Variants in DELE1 observed in about 807,000 individuals in gnomAD.
The protein encoded by DELE1 is DAP3 binding cell death enhancer 1.
DELE1 carries 54 observed loss-of-function variants against 59.3 expected under a neutral mutation model. The ratio of observed to expected loss-of-function variants is 0.91; its 90% CI spans 0.73 to 1.14. The LOEUF is 1.14. Among genes scored for constraint, DELE1 ranks in the 50% most tolerant of loss-of-function variants. The pLI is 0.00. For synonymous variants in DELE1, 264 were observed against 259.1 expected, an observed-to-expected ratio of 1.02 and a Z score of -0.18; for missense variants, 636 against 643.9, an observed-to-expected ratio of 0.99 and a Z score of 0.13.
Position 141,940,040 on chromosome 5 carries a change from G to C in DELE1, c.*1281G>C. The C allele has an allele frequency of 3.0e-6, 3 of 985,406 alleles. No individual in the cohort carries two copies. The South Asian group carries it at 1.4e-4, about 46-fold the overall frequency. 61.0% of individuals were successfully genotyped at this position (985,406 alleles called of 1,614,324 possible). On this transcript the variant is annotated 3_prime_UTR_variant, in exon 12 of 12. Transcript: ENST00000432126. Reference sequence around the variant, plus strand: ...TCCTACCCATGGGAGAGTAAATGTAGATTGAATGCTAGGAGTCTTAAAGCT... The same window carrying C: ...TCCTACCCATGGGAGAGTAAATGTACATTGAATGCTAGGAGTCTTAAAGCT...
At chr5:141,934,873 C>G (rs1752235610) in intron 10 of DELE1, 4 of 436,312 alleles carry the variant, frequency 9.2e-6, no homozygotes, top group East Asian at 4.3e-5. Flanking sequence ...AGGGCTTTTT[C>G]CCTCCTCGAG....
Position 141,928,309 on chromosome 5 carries a change from A to G in DELE1, c.412+11A>G. On this transcript the variant is annotated intron_variant, in intron 4 of 11. Coordinates refer to ENST00000432126, the MANE Select transcript of DELE1 (RefSeq NM_014773.5). The stretch of plus-strand genomic sequence containing the variant: ...GGCACCCATGCTCCTGTGAGTTCTC[A>G]GTCCTGGGGACAGGAGGGCTGGGCT... 1 of 1,612,936 alleles carries G rather than the reference A, an allele frequency of 6.2e-7. No homozygotes were observed.
chr5:141,939,464 CG>C lies in DELE1; in HGVS notation c.*706del. ...CCACCATTCACCTCTGTTCATCCCC[CG>C]TGGGCTCATAATCGTTTTCATTTCA... On this transcript the variant is annotated 3_prime_UTR_variant, in exon 12 of 12. Transcript: ENST00000432126. The C allele has an allele frequency of 2.0e-6, 2 of 985,858 alleles. No individual in the cohort carries two copies. Among genetic ancestry groups the C allele is most frequent in the Non-Finnish European group, 2.4e-6 (2 of 829,932 alleles). The allele number at this position is 985,858 out of a possible 1,614,324, so 61.1% of individuals were successfully genotyped here.
At chr5:141,931,353 A>C (rs1474972248) in intron 7 of DELE1, 2 of 152,286 alleles carry the variant, frequency 1.3e-5, no homozygotes, top group Non-Finnish European at 2.9e-5. Flanking sequence ...GGCAGGGGTC[A>C]GATCAGGTGA....
chr5:141,923,902 G>C lies in DELE1; in HGVS notation c.-40G>C, dbSNP rs1385646949. ...AGCCGCTGTCCCAAGGGTTGGTCTC[G>C]CGCTTTCGGCTGCGAGCTCTCTGTG... On this transcript the variant is annotated 5_prime_UTR_variant, in exon 1 of 12. Transcript: ENST00000432126. 1 of 1,583,690 alleles carries C rather than the reference G, an allele frequency of 6.3e-7. No homozygotes were observed. The highest frequency in any genetic ancestry group is 8.6e-7 in the Non-Finnish European group (1 of 1,165,000).
intron 3 of DELE1, among the ~76,000 whole-genome samples, chr5:141,927,914 T>G (rs1277493334): frequency 1.3e-5 from 2 of 151,606 alleles, no homozygotes; most frequent in Non-Finnish European, 2.9e-5. Context: ...ACATGGTCCC[T>G]GCCCATGTCG....
At chr5:141,926,961 T>C (rs1308195455) in intron 3 of DELE1, among the ~76,000 whole-genome samples, 1 of 152,212 alleles carries the variant, frequency 6.6e-6, no homozygotes, top group Admixed American at 6.5e-5. Flanking sequence ...GCTGGTGCCT[T>C]TTCTTCTGGC....
At chr5:141,933,586 G>A (rs1432691723) in intron 8 of DELE1, 185 bp downstream of exon 8, 6 of 367,314 alleles carry the variant, frequency 1.6e-5, no homozygotes, top group Non-Finnish European at 2.4e-5. Flanking sequence ...AATTCAGGGA[G>A]GGCAGGGATT....
Position 141,932,512 on chromosome 5 carries a change from C to T in DELE1, c.755-747C>T, listed in dbSNP as rs1432811551. ...TCAGAAAGGACAGGAATCAGGGAAG[C>T]TTCAGAGACCTAAGAGGCAGCAGCT... On this transcript the variant is annotated intron_variant, in intron 7 of 11. Coordinates refer to ENST00000432126, the MANE Select transcript of DELE1 (RefSeq NM_014773.5). Among the ~76,000 whole-genome samples, 6 of 152,208 alleles carry T rather than the reference C, an allele frequency of 3.9e-5. No individual in the cohort carries two copies. In the East Asian group the frequency reaches 9.6e-4, roughly 24 times the overall value.
In DELE1 at chr5:141,940,428, GA is replaced by G. The variant is rs1752666068; in HGVS notation, c.*1670del. 15 of 920,768 alleles carry G rather than the reference GA, an allele frequency of 1.6e-5. No homozygotes were observed. Among genetic ancestry groups the G allele is most frequent in the African/African-American group, 3.4e-5 (1 of 29,316 alleles). 57.0% of individuals were successfully genotyped at this position (920,768 alleles called of 1,614,324 possible). ...GAGAGTGGGGTCTGGGAGGGATAGA[GA>G]GCCCACCGCCCACCCCCCACAATCC... On this transcript the variant is annotated 3_prime_UTR_variant, in exon 12 of 12. Coordinates refer to ENST00000432126, the MANE Select transcript of DELE1 (RefSeq NM_014773.5).
chr5:141,923,876 T>A lies in DELE1; in HGVS notation c.-66T>A. 3 of 1,557,760 alleles carry A rather than the reference T, an allele frequency of 1.9e-6. No individual in the cohort carries two copies. The highest frequency in any genetic ancestry group is 2.6e-6 in the Non-Finnish European group (3 of 1,149,900). The stretch of plus-strand genomic sequence containing the variant: ...ACTCGGGGCATCGCGGCGGCCTTTC[T>A]AGCCGCTGTCCCAAGGGTTGGTCTC... On this transcript the variant is annotated 5_prime_UTR_variant, in exon 1 of 12. Transcript: ENST00000432126.
chr5:141,937,555 G>A (rs1752459404), intron 11 of DELE1, among the ~76,000 whole-genome samples, 198 bp downstream of exon 11: 1 of 152,002 alleles, frequency 6.6e-6, no homozygotes, highest in Non-Finnish European at 1.5e-5. Context: ...CAGATCACCA[G>A]GTCAGGAGAT....
rs73792066 is a variant in DELE1 at position 141,939,660 on chromosome 5, T to C, written c.*901T>C. The C allele has an allele frequency of 0.017, 16,998 of 985,798 alleles. 2,219 individuals are homozygous for C. The African/African-American group carries it at 0.27, about 16-fold the overall frequency. 61.1% of individuals were successfully genotyped at this position (985,798 alleles called of 1,614,324 possible). ...ATACCCACCCACCTTCCCCCAAATC[T>C]TAAGCACCTGCGCCAGTACAGTCAA... On this transcript the variant is annotated 3_prime_UTR_variant, in exon 12 of 12. Transcript: ENST00000432126.
intron 5 of DELE1, 40 bp downstream of exon 5, chr5:141,929,780 C>T (rs781743807): frequency 2.2e-5 from 35 of 1,607,520 alleles, no homozygotes; most frequent in South Asian, 1.1e-5. Flanking sequence ...AGGCAGGGGG[C>T]GGTGGTGGTG....
chr5:141,927,041 C>T (rs141368700), intron 3 of DELE1, among the ~76,000 whole-genome samples: 5 of 152,338 alleles, frequency 3.3e-5, no homozygotes, highest in African/African-American at 1.2e-4. Context: ...CCCTTTTATG[C>T]TCTGTGTAAC....
rs1278532186 is a variant in DELE1, at chr5:141,929,970, G to T, written c.572-19G>T. Reference sequence around the variant, plus strand: ...ACTTTCTCCTTTGCCCTGGCCGGGTGTCGGCCTTTCCCTTGCAGGTCCCGG... The same window carrying T: ...ACTTTCTCCTTTGCCCTGGCCGGGTTTCGGCCTTTCCCTTGCAGGTCCCGG... On this transcript the variant is annotated intron_variant, in intron 5 of 11. Transcript: ENST00000432126. 1.2e-6 allele frequency: 2 copies of T among 1,611,418 alleles called. No homozygotes were observed. The highest frequency in any genetic ancestry group is 2.7e-5 in the African/African-American group (2 of 74,868).
At chr5:141,932,630 AAG>A (rs1752002144) in intron 7 of DELE1, among the ~76,000 whole-genome samples, 1 of 152,164 alleles carries the variant, frequency 6.6e-6, no homozygotes, top group Admixed American at 6.5e-5. Flanking sequence ...ATTCCTGAGA[AAG>A]AACCTCCGTG....
chr5:141,937,413 C>T lies in DELE1; in HGVS notation c.1309+56C>T. 4 of 1,581,314 alleles carry T rather than the reference C, an allele frequency of 2.5e-6. No individual in the cohort carries two copies. In the Middle Eastern group the frequency reaches 6.2e-4, roughly 243 times the overall value. On this transcript the variant is annotated intron_variant, in intron 11 of 11. Coordinates refer to ENST00000432126, the MANE Select transcript of DELE1 (RefSeq NM_014773.5). ...ATTCCCTGAGCTCAGTACTCTGTGACAGATAAGTAGGTAGCAGTAGTCTCT... is the reference window on the plus strand; with the variant it reads ...ATTCCCTGAGCTCAGTACTCTGTGATAGATAAGTAGGTAGCAGTAGTCTCT...
chr5:141,936,904 T>G, intron 10 of DELE1: 2 of 985,366 alleles, frequency 2.0e-6, no homozygotes, highest in Non-Finnish European at 2.4e-6. Context: ...CCTGAGTGTT[T>G]CCTGTAGCCT....
Sources: allele counts gnomAD v4.1 joint callset (sites outside exome capture counted in the v4.1 genomes callset), GRCh38; gene constraint gnomAD v4.1.1; transcripts MANE v1.5; gene names NCBI Gene and HGNC (gene_info 2026-07-23, HGNC 2026-07-21).